Variants in PCSK9 observed in about 807,000 individuals in gnomAD.
PCSK9 encodes the protein convertase subtilisin/kexin type 9 preproprotein.
Under a neutral mutation model 62.1 loss-of-function variants are expected in PCSK9, and 57 were observed. That is an observed-to-expected ratio of 0.92 (90% CI 0.74 to 1.14). PCSK9 has a LOEUF of 1.14. Among genes scored for constraint, PCSK9 ranks in the 50% most tolerant of loss-of-function variants. The probability of loss-of-function intolerance (pLI) is 0.00; values close to 1 mark genes in which losing one functional copy is unlikely to be tolerated. For synonymous variants in PCSK9, 387 were observed against 409.4 expected, an observed-to-expected ratio of 0.95 and a Z score of 0.66; for missense variants, 870 against 959.8, an observed-to-expected ratio of 0.91 and a Z score of 1.24.
intron 1 of PCSK9, among the ~76,000 whole-genome samples, chr1:55,043,096 C>T (rs1299128569): frequency 1.3e-5 from 2 of 152,194 alleles, no homozygotes; most frequent in Non-Finnish European, 2.9e-5. Context: ...GCCATGCTTC[C>T]TGGAGAGCTT....
chr1:55,040,143 A>G lies in PCSK9; in HGVS notation c.207+99A>G, dbSNP rs1181392506. 7.0e-7 allele frequency: 1 copy of G among 1,437,988 alleles called. No homozygotes were observed. Among genetic ancestry groups the G allele is most frequent in the Non-Finnish European group, 9.4e-7 (1 of 1,060,780 alleles). The allele number at this position is 1,437,988 out of a possible 1,614,324, so 89.1% of individuals were successfully genotyped here. A position where few individuals can be genotyped will look rare whatever the true frequency, so the allele number is the denominator to read the frequency against. The stretch of plus-strand genomic sequence containing the variant: ...CAGTTTCCCCCCATGTAAGAGAGGA[A>G]GTGGAGTGCAGGTCGCCGAGGGCTC... On this transcript the variant is annotated intron_variant, in intron 1 of 11. Coordinates refer to ENST00000302118, the MANE Select transcript of PCSK9 (RefSeq NM_174936.4). This position sits in a 1 kb window ranked among gnomAD's most constrained non-coding sequence, Gnocchi z 4.1.
In PCSK9 at chr1:55,059,942, G is replaced by A. The variant is rs565908479; in HGVS notation, c.1681+279G>A. 3.9e-5 allele frequency among the ~76,000 whole-genome samples: 6 copies of A among 152,324 alleles called. No individual in the cohort carries two copies. The South Asian group carries it at 6.2e-4, about 16-fold the overall frequency. ...ATCTAGGGCACTGGCCTGGAGTATCGCAGGTGCTTTGCCTAAGGTGGTGCA... is the reference window on the plus strand; with the variant it reads ...ATCTAGGGCACTGGCCTGGAGTATCACAGGTGCTTTGCCTAAGGTGGTGCA... On this transcript the variant is annotated intron_variant, in intron 10 of 11. Transcript: ENST00000302118.
chr1:55,045,140 C>A (rs1192999179), intron 2 of PCSK9, among the ~76,000 whole-genome samples: 2 of 151,778 alleles, frequency 1.3e-5, no homozygotes, highest in African/African-American at 4.8e-5. Context: ...TGGGGAGAGA[C>A]GAAGAAGGTA....
intron 3 of PCSK9, among the ~76,000 whole-genome samples, chr1:55,049,618 C>T (rs1220000442): frequency 6.6e-6 from 1 of 152,214 alleles, no homozygotes; most frequent in Non-Finnish European, 1.5e-5. Flanking sequence ...GGCCCTGTGT[C>T]TCATCCGAGC....
At chr1:55,042,254 C>A (rs563906778) in intron 1 of PCSK9, among the ~76,000 whole-genome samples, 2 of 152,286 alleles carry the variant, frequency 1.3e-5, no homozygotes, top group East Asian at 1.9e-4. Flanking sequence ...TGAGCCACCA[C>A]GCCTGGCCTC....
chr1:55,045,950 T>TC (rs11436234), intron 2 of PCSK9, among the ~76,000 whole-genome samples: 80,441 of 151,796 alleles, frequency 0.53, 23,662 homozygotes, highest in East Asian at 0.82. Flanking sequence ...CCTCAGGTGA[T>TC]CCCCCACCTC....
chr1:55,055,640 G>T (rs472495), intron 5 of PCSK9, among the ~76,000 whole-genome samples: 85,579 of 151,936 alleles, frequency 0.56, 25,594 homozygotes, highest in East Asian at 0.76. Context: ...GGGCAGGCCA[G>T]GCAGGCTGGC....
At chr1:55,047,161 T>C (rs1436470961) in intron 3 of PCSK9, among the ~76,000 whole-genome samples, 2 of 152,184 alleles carry the variant, frequency 1.3e-5, no homozygotes, top group Non-Finnish European at 2.9e-5. Flanking sequence ...GGCCTTTCTT[T>C]CCACTGTTCC....
In PCSK9 at chr1:55,057,461, G is replaced by A; in HGVS notation, c.1127G>A (p.Ser376Asn). 1 of 1,614,024 alleles carries A rather than the reference G, an allele frequency of 6.2e-7. No homozygotes were observed. Among genetic ancestry groups the A allele is most frequent in the Non-Finnish European group, 8.5e-7 (1 of 1,180,028 alleles). The change falls in exon 7 of 12, where the codon AGC becomes AAC. Residue 376 changes from serine to asparagine, a missense_variant. Transcript: ENST00000302118. The part of the protein sequence containing the change: ...EDIIGASSDC[S>N]TCFVSQSGTS... ...ATCATTGGTGCCTCCAGCGACTGCA[G>A]CACCTGCTTTGTGTCACAGAGTGGG...
chr1:55,058,351 AG>A, intron 8 of PCSK9, 142 bp downstream of exon 8: 2 of 1,499,840 alleles, frequency 1.3e-6, no homozygotes, highest in Non-Finnish European at 1.8e-6. Context: ...GGGCTCTGAA[AG>A]GGCTGTGCAA....
rs1021372164 is a variant in PCSK9 at position 55,043,970 on chromosome 1, T to C, written c.335T>C (p.Leu112Pro). 1.9e-6 allele frequency: 3 copies of C among 1,614,120 alleles called. No homozygotes were observed. The African/African-American group carries it at 4.0e-5, about 22-fold the overall frequency. Residue 112 changes from leucine (L) to proline (P), a missense_variant, in exon 2 of 12, where the codon CTG (leucine) becomes CCG (proline). Transcript: ENST00000302118. ...CGCCGGGGATACCTCACCAAGATCC[T>C]GCATGTCTTCCATGGCCTTCTTCCT... ...AARRGYLTKI[L>P]HVFHGLLPGF...
chr1:55,052,040 C>G, intron 3 of PCSK9: 1 of 585,464 alleles, frequency 1.7e-6, no homozygotes, highest in Non-Finnish European at 3.1e-6. Flanking sequence ...TTGGCAGTAG[C>G]ATTGCCAGCT....
At position 55,052,196 on chromosome 1, in the gene PCSK9, GTGCTC is replaced by G. The variant is rs1644678850; in HGVS notation, c.524-79_524-75del. 2.5e-6 allele frequency: 4 copies of G among 1,589,630 alleles called. No individual in the cohort carries two copies. In the South Asian group the frequency reaches 4.4e-5, roughly 18 times the overall value. ...AGGCGCTTTCACCAGTGCCTGGGATGTGCTCTGTAGTTTCTGTGTGTTAACTATAA... is the reference window on the plus strand; with the variant it reads ...AGGCGCTTTCACCAGTGCCTGGGATGTGTAGTTTCTGTGTGTTAACTATAA... On this transcript the variant is annotated intron_variant, in intron 3 of 11. Coordinates refer to ENST00000302118, the MANE Select transcript of PCSK9 (RefSeq NM_174936.4).
Position 55,063,560 on chromosome 1 carries a change from G to T in PCSK9, c.2055G>T (p.Ala685=), listed in dbSNP as rs1490853919. The T allele has an allele frequency of 6.2e-7, 1 of 1,612,574 alleles. No individual in the cohort carries two copies. The highest frequency in any genetic ancestry group is 1.1e-5 in the South Asian group (1 of 90,982). ...TCTGCTGCCGGAGCCGGCACCTGGC[G>T]CAGGCCTCCCAGGAGCTCCAGTGAC... ...VAICCRSRHL[A]QASQELQ is the part of the protein sequence containing the mutation. The change falls in exon 12 of 12, where the codon GCG becomes GCT. Residue 685 remains alanine (A), a synonymous_variant. Coordinates refer to ENST00000302118, the MANE Select transcript of PCSK9 (RefSeq NM_174936.4).
chr1:55,040,165 G>C lies in PCSK9; in HGVS notation c.207+121G>C. ...GGAAGTGGAGTGCAGGTCGCCGAGGGCTCTTCGCTTGGCACGATCTTGGGG... is the reference window on the plus strand; with the variant it reads ...GGAAGTGGAGTGCAGGTCGCCGAGGCCTCTTCGCTTGGCACGATCTTGGGG... On this transcript the variant is annotated intron_variant, in intron 1 of 11. Coordinates refer to ENST00000302118, the MANE Select transcript of PCSK9 (RefSeq NM_174936.4). The surrounding 1 kb of genome is among the most constrained non-coding windows in gnomAD (Gnocchi z 4.1). 1 of 1,325,638 alleles carries C rather than the reference G, an allele frequency of 7.5e-7. No individual in the cohort carries two copies. The highest frequency in any genetic ancestry group is 1.0e-6 in the Non-Finnish European group (1 of 969,600). The allele number at this position is 1,325,638 out of a possible 1,614,324, so 82.1% of individuals were successfully genotyped here. A position where few individuals can be genotyped will look rare whatever the true frequency, so the allele number is the denominator to read the frequency against.
rs749915837 is a variant in PCSK9 at position 55,055,990 on chromosome 1, C to T, written c.800-3C>T. ...GGGGTGACCTTGGCTTTGTTCCTCC[C>T]AGGCCTGGAGTTTATTCGGAAAAGC... On this transcript the variant is annotated splice_region_variant and splice_polypyrimidine_tract_variant and intron_variant, in intron 5 of 11. Transcript: ENST00000302118. The T allele has an allele frequency of 2.5e-6, 4 of 1,607,650 alleles. No homozygotes were observed. Among genetic ancestry groups the T allele is most frequent in the Non-Finnish European group, 3.4e-6 (4 of 1,176,494 alleles).
In PCSK9 at chr1:55,040,003, C is replaced by A; in HGVS notation, c.166C>A (p.Pro56Thr). Residue 56 changes from proline (P) to threonine (T), a missense_variant, in exon 1 of 12, where the codon CCC becomes ACC. Pro to Thr is a conservative substitution (Grantham distance 38). Coordinates refer to ENST00000302118, the MANE Select transcript of PCSK9 (RefSeq NM_174936.4). The surrounding 1 kb of genome is among the most constrained non-coding windows in gnomAD (Gnocchi z 4.1). ...RSEEDGLAEA[P>T]EHGTTATFHR... ...CGAGGAGGACGGCCTGGCCGAAGCACCCGAGCACGGAACCACAGCCACCTT... is the reference window on the plus strand; with the variant it reads ...CGAGGAGGACGGCCTGGCCGAAGCAACCGAGCACGGAACCACAGCCACCTT... 1 of 1,577,656 alleles carries A rather than the reference C, an allele frequency of 6.3e-7. No individual in the cohort carries two copies. Among genetic ancestry groups the A allele is most frequent in the South Asian group, 1.2e-5 (1 of 85,860 alleles).
chr1:55,064,674 A>C lies in PCSK9; in HGVS notation c.*1090A>C, dbSNP rs1299083955. The C allele has an allele frequency of 6.6e-6, 1 of 152,222 alleles. No homozygotes were observed. The highest frequency in any genetic ancestry group is 2.4e-5 in the African/African-American group (1 of 41,448). The allele number at this position is 152,222 out of a possible 1,614,324, so 9.4% of individuals were successfully genotyped here. A position where few individuals can be genotyped will look rare whatever the true frequency, so the allele number is the denominator to read the frequency against. On this transcript the variant is annotated 3_prime_UTR_variant, in exon 12 of 12. Coordinates refer to ENST00000302118, the MANE Select transcript of PCSK9 (RefSeq NM_174936.4). ...CAACAACTGTCCCTCCTTGAGCACC[A>C]GCCCCACCCAAGCAAGCAGACATTT...
Position 55,052,271 on chromosome 1 carries a change from T to C in PCSK9, c.524-7T>C, listed in dbSNP as rs1430039188. 1.9e-6 allele frequency: 3 copies of C among 1,613,880 alleles called. No homozygotes were observed. The highest frequency in any genetic ancestry group is 1.1e-5 in the South Asian group (1 of 91,080). On this transcript the variant is annotated splice_region_variant and splice_polypyrimidine_tract_variant and intron_variant, in intron 3 of 11. Transcript: ENST00000302118. Reference sequence around the variant, plus strand: ...CCCTCCTCTCCCACAAATGTCGCCTTGGAAAGACGGAGGCAGCCTGGTGGA... The same window carrying C: ...CCCTCCTCTCCCACAAATGTCGCCTCGGAAAGACGGAGGCAGCCTGGTGGA...
Sources: allele counts gnomAD v4.1 joint callset (sites outside exome capture counted in the v4.1 genomes callset), GRCh38; gene constraint gnomAD v4.1.1; non-coding constraint Gnocchi (gnomAD v3.1); transcripts MANE v1.5; gene names NCBI Gene and HGNC (gene_info 2026-07-23, HGNC 2026-07-21).